The following ANXA3 variants were observed in gnomAD, a reference collection of about 807,000 sequenced individuals.
The protein encoded by ANXA3 is 35-alpha calcimedin.
A neutral mutation model predicts 48.8 loss-of-function variants in ANXA3; 46 were observed. The ratio of observed to expected loss-of-function variants is 0.94; its 90% confidence interval spans 0.74 to 1.21. The LOEUF is 1.21. Ranked by LOEUF, ANXA3 falls within the 50% of genes most tolerant of loss-of-function variation. ANXA3 has a pLI of 0.00. For synonymous variants in ANXA3, 128 were observed against 134.7 expected (o/e 0.95, Z 0.35); for missense variants, 383 against 378.6 (o/e 1.01, Z -0.10).
At chr4:78,568,066 C>T (rs925409445) in intron 2 of ANXA3, among the ~76,000 whole-genome samples, 1 of 151,002 alleles carries the variant, frequency 6.6e-6, no homozygotes, top group Non-Finnish European at 1.5e-5. Context: ...GCCACTGTGA[C>T]CTCATCTTAA....
rs751836693 is a variant in ANXA3, at chr4:78,554,467, G to A, written c.-7G>A. ...GTGATCTCAGCTCAAGGCAAAGGTG[G>A]GATATCATGGCATCTATCTGGGTAA... On this transcript the variant is annotated 5_prime_UTR_variant, in exon 2 of 13. Coordinates refer to ENST00000264908, the MANE Select transcript of ANXA3 (RefSeq NM_005139.3). 6 of 1,612,432 alleles carry A rather than the reference G, an allele frequency of 3.7e-6. No individual in the cohort carries two copies. In the African/African-American group the frequency reaches 4.0e-5, roughly 11 times the overall value.
chr4:78,568,317 A>G (rs986117252), intron 2 of ANXA3, among the ~76,000 whole-genome samples: 9 of 152,204 alleles, frequency 5.9e-5, no homozygotes, highest in African/African-American at 2.2e-4. Context: ...TTTATTTTTT[A>G]TAATCTACTC....
At chr4:78,604,752 CCTCT>C (rs1723614006) in intron 12 of ANXA3, among the ~76,000 whole-genome samples, 2 of 152,112 alleles carry the variant, frequency 1.3e-5, no homozygotes, top group South Asian at 4.1e-4. Context: ...TTTTAAATTT[CCTCT>C]CTGTTTTACA....
At chr4:78,595,353 T>C in intron 7 of ANXA3, 28 bp from the exon 8 acceptor site, 1 of 1,612,640 alleles carries the variant, frequency 6.2e-7, no homozygotes, top group Non-Finnish European at 8.5e-7. Context: ...CTTTAAAGGA[T>C]GGCCCTTGTT....
At chr4:78,569,892 G>A (rs1722809122) in intron 2 of ANXA3, among the ~76,000 whole-genome samples, 1 of 152,018 alleles carries the variant, frequency 6.6e-6, no homozygotes, top group Admixed American at 6.6e-5. Flanking sequence ...TGTGAGACTG[G>A]GTTTCTTCCA....
chr4:78,607,753 G>A (rs534647196), intron 12 of ANXA3, among the ~76,000 whole-genome samples: 3 of 152,040 alleles, frequency 2.0e-5, no homozygotes, highest in East Asian at 1.9e-4. Flanking sequence ...TAGTACTATC[G>A]GAATTGAGAA....
At chr4:78,564,230 GA>G (rs1443749916) in intron 2 of ANXA3, among the ~76,000 whole-genome samples, 7 of 152,180 alleles carry the variant, frequency 4.6e-5, no homozygotes, top group Admixed American at 1.3e-4. Context: ...AGACAGGAAG[GA>G]AGATGTAACA....
At chr4:78,573,806 C>T (rs758123973) in intron 3 of ANXA3, among the ~76,000 whole-genome samples, 9 of 152,210 alleles carry the variant, frequency 5.9e-5, no homozygotes, top group East Asian at 3.9e-4. Flanking sequence ...TCGGTGTTTC[C>T]GGAACTGCCA....
At chr4:78,602,732 C>A (rs1318220741) in intron 11 of ANXA3, 1 of 152,400 alleles carries the variant, frequency 6.6e-6, no homozygotes, top group Admixed American at 6.5e-5. Context: ...AAAGTCATAT[C>A]CTAAGTGAAC....
At chr4:78,593,350 A>T (rs991586922) in intron 7 of ANXA3, among the ~76,000 whole-genome samples, 1 of 151,646 alleles carries the variant, frequency 6.6e-6, no homozygotes, top group Non-Finnish European at 1.5e-5. Flanking sequence ...TTACAGGCAC[A>T]CGCCACCACA....
chr4:78,603,698 G>C (rs1047851359), intron 11 of ANXA3: 1 of 152,220 alleles, frequency 6.6e-6, no homozygotes, highest in African/African-American at 2.4e-5. Flanking sequence ...TTAGGATAAA[G>C]TCAGAATTTC....
chr4:78,561,255 A>C (rs1546177), intron 2 of ANXA3, among the ~76,000 whole-genome samples: 94,360 of 151,922 alleles, frequency 0.62, 30,411 homozygotes, highest in Non-Finnish European at 0.73. Flanking sequence ...CCTCCCGAAC[A>C]CTTCCTCTCT....
intron 2 of ANXA3, among the ~76,000 whole-genome samples, chr4:78,554,766 G>A (rs1274752157): frequency 6.6e-6 from 1 of 152,172 alleles, no homozygotes; most frequent in African/African-American, 2.4e-5. Flanking sequence ...ATATGAAAAA[G>A]ATGACATATC....
At chr4:78,595,495 G>T in intron 8 of ANXA3, 58 bp downstream of exon 8, 1 of 1,545,616 alleles carries the variant, frequency 6.5e-7, no homozygotes. Flanking sequence ...GGCTGCCTTT[G>T]CATTTATGTG....
intron 12 of ANXA3, among the ~76,000 whole-genome samples, chr4:78,604,673 T>C (rs999945722): frequency 9.2e-5 from 14 of 152,354 alleles, no homozygotes; most frequent in African/African-American, 3.4e-4. Flanking sequence ...GTTGTTTACC[T>C]GTTTTTTATA....
At chr4:78,608,026 A>G (rs1723687224) in intron 12 of ANXA3, among the ~76,000 whole-genome samples, 1 of 152,224 alleles carries the variant, frequency 6.6e-6, no homozygotes, top group African/African-American at 2.4e-5. Flanking sequence ...AGATGAGTTC[A>G]GTTGAAAGAG....
At position 78,554,480 on chromosome 4, in the gene ANXA3, T is replaced by C. The variant is rs917753057; in HGVS notation, c.7T>C (p.Ser3Pro). The C allele has an allele frequency of 5.6e-6, 9 of 1,613,078 alleles. No individual in the cohort carries two copies. Among genetic ancestry groups the C allele is most frequent in the Admixed American group, 3.3e-5 (2 of 60,002 alleles). Residue 3 changes from serine (S) to proline (P), a missense_variant, in exon 2 of 13, where the codon TCT becomes CCT. Transcript: ENST00000264908. MASIWVGHRGTVR... is the reference protein window; with the variant it reads MAPIWVGHRGTVR... ...AAGGCAAAGGTGGGATATCATGGCA[T>C]CTATCTGGGTAAGTAAAAATTAAGC...
chr4:78,575,824 CT>C (rs889307289), intron 3 of ANXA3, among the ~76,000 whole-genome samples: 108 of 151,342 alleles, frequency 7.1e-4, no homozygotes, highest in African/African-American at 2.5e-3. Flanking sequence ...TATTCTCCTA[CT>C]TTTTTTTTCA....
chr4:78,604,405 T>C lies in ANXA3; in HGVS notation c.912+6T>C, dbSNP rs767621963. 6.2e-7 allele frequency: 1 copy of C among 1,606,882 alleles called. No homozygotes were observed. The highest frequency in any genetic ancestry group is 2.2e-5 in the East Asian group (1 of 44,644). ...CCCTATATTCAGCAATTAAAGTAAG[T>C]CTACTTTTAAAAATAGCAAAACATA... On this transcript the variant is annotated splice_donor_region_variant and intron_variant, in intron 12 of 12. Coordinates refer to ENST00000264908, the MANE Select transcript of ANXA3 (RefSeq NM_005139.3).
Sources: gnomAD v4.1 joint callset for allele counts (sites outside exome capture counted in the v4.1 genomes callset) on GRCh38, gnomAD v4.1.1 for gene constraint, MANE v1.5 for transcripts, NCBI Gene and HGNC (gene_info 2026-07-23, HGNC 2026-07-21) for gene names.